The following CEP162 variants were observed in gnomAD, a reference collection of about 807,000 sequenced individuals.
CEP162 encodes centrosomal protein of 162 kDa.
Under a neutral mutation model 169.2 loss-of-function variants are expected in CEP162, and 141 were observed. The ratio of observed to expected loss-of-function variants is 0.83; its 90% confidence interval spans 0.73 to 0.96. The LOEUF (loss-of-function observed/expected upper bound fraction) is 0.96. Among genes scored for constraint, CEP162 ranks in the 40% least tolerant of loss-of-function variants. The pLI is 0.00. For synonymous variants in CEP162, 540 were observed against 526.4 expected (o/e 1.03, Z -0.35); for missense variants, 1,600 against 1,587.2 (o/e 1.01, Z -0.14).
rs1198568202 is a variant in CEP162, at chr6:84,204,126, G to T, written c.572-30C>A. The T allele has an allele frequency of 3.7e-6, 5 of 1,350,338 alleles. No individual in the cohort carries two copies. In the African/African-American group the frequency reaches 4.4e-5, roughly 12 times the overall value. The allele number at this position is 1,350,338 out of a possible 1,614,324, so 83.6% of individuals were successfully genotyped here. A position where few individuals can be genotyped will look rare whatever the true frequency, so the allele number is the denominator to read the frequency against. On this transcript the variant is annotated intron_variant, in intron 6 of 26. Coordinates refer to ENST00000403245, the MANE Select transcript of CEP162 (RefSeq NM_014895.4). ...AGAAAGTAATTTTTAAAAGTACAAA[G>T]ACCACATTGTTAAAAAAGTCAAATT...
chr6:84,190,549 G>C (rs575853770), intron 11 of CEP162, among the ~76,000 whole-genome samples: 380 of 152,110 alleles, frequency 2.5e-3, no homozygotes, highest in Non-Finnish European at 4.1e-3. Flanking sequence ...CCTGAGCCCA[G>C]CGAGACCACG....
intron 13 of CEP162, among the ~76,000 whole-genome samples, chr6:84,181,374 C>T (rs926909914): frequency 2.6e-5 from 4 of 152,098 alleles, no homozygotes; most frequent in South Asian, 2.1e-4. Flanking sequence ...AAGACTTAAA[C>T]GTCAGACGTA....
intron 24 of CEP162, among the ~76,000 whole-genome samples, chr6:84,147,765 T>C (rs1360618916): frequency 1.3e-5 from 2 of 152,208 alleles, no homozygotes; most frequent in Non-Finnish European, 2.9e-5. Context: ...ATGATAGTTT[T>C]TATTTAAGAA....
chr6:84,220,171 G>T (rs1053189300), intron 3 of CEP162, among the ~76,000 whole-genome samples: 1 of 152,046 alleles, frequency 6.6e-6, no homozygotes, highest in East Asian at 1.9e-4. Context: ...TCATGGGGAG[G>T]GGGGGAAACC....
At chr6:84,212,332 T>C (rs1314271924) in intron 6 of CEP162, among the ~76,000 whole-genome samples, 1 of 152,166 alleles carries the variant, frequency 6.6e-6, no homozygotes, top group African/African-American at 2.4e-5. Flanking sequence ...AATTGATTGC[T>C]TTAACAACAA....
At chr6:84,149,751 C>T in intron 23 of CEP162, 48 bp from the exon 24 acceptor site, 1 of 1,418,464 alleles carries the variant, frequency 7.0e-7, no homozygotes, top group Non-Finnish European at 9.3e-7. Context: ...GCTCTTCAAC[C>T]TCTAATTCAG....
At chr6:84,159,548 T>TATATATATATATA (rs1491229310) in intron 21 of CEP162, among the ~76,000 whole-genome samples, 25 of 14,250 alleles carry the variant, frequency 1.8e-3, no homozygotes, top group South Asian at 9.8e-3. Flanking sequence ...TATATATATA[T>TATATATATATATA]TTTTTTTTTT....
intron 13 of CEP162, among the ~76,000 whole-genome samples, chr6:84,177,663 G>A (rs1279975397): frequency 6.6e-6 from 1 of 152,110 alleles, no homozygotes. Flanking sequence ...AGCCTCCCAA[G>A]TAGCTGGGAT....
At chr6:84,167,610 G>A (rs1473877110) in intron 18 of CEP162, among the ~76,000 whole-genome samples, 1 of 152,122 alleles carries the variant, frequency 6.6e-6, no homozygotes, top group Non-Finnish European at 1.5e-5. Context: ...ATACTTCTAA[G>A]AATTGTTTTG....
rs550499240 is a variant in CEP162 at position 84,210,661 on chromosome 6, G to A, written c.571+2296C>T. The stretch of plus-strand genomic sequence containing the variant: ...AAACAAAGCCCCAGAAATCTGCATA[G>A]GGTGCCCTTGAGTCTTTGCTGAATA... On this transcript the variant is annotated intron_variant, in intron 6 of 26. Coordinates refer to ENST00000403245, the MANE Select transcript of CEP162 (RefSeq NM_014895.4). Among the ~76,000 whole-genome samples the A allele has an allele frequency of 1.3e-4, 20 of 152,292 alleles. No homozygotes were observed. In the East Asian group the frequency reaches 3.9e-3, roughly 29 times the overall value.
intron 11 of CEP162, among the ~76,000 whole-genome samples, chr6:84,190,399 G>A (rs1430578581): frequency 2.0e-5 from 3 of 152,150 alleles, no homozygotes; most frequent in Non-Finnish European, 2.9e-5. Context: ...GCCAGCATTG[G>A]CAACCTGCTC....
intron 6 of CEP162, among the ~76,000 whole-genome samples, chr6:84,212,727 T>C (rs2099549989): frequency 6.6e-6 from 1 of 152,210 alleles, no homozygotes; most frequent in Non-Finnish European, 1.5e-5. Flanking sequence ...GACTGTCAGA[T>C]TGAACAAAAA....
intron 25 of CEP162, among the ~76,000 whole-genome samples, chr6:84,140,749 T>C (rs2099516248): frequency 6.6e-6 from 1 of 152,144 alleles, no homozygotes; most frequent in Non-Finnish European, 1.5e-5. Context: ...GGTTTCAAAC[T>C]CCTGGCCTTG....
At chr6:84,222,852 A>T (rs906614625) in intron 2 of CEP162, among the ~76,000 whole-genome samples, 1 of 152,398 alleles carries the variant, frequency 6.6e-6, no homozygotes, top group South Asian at 2.1e-4. Flanking sequence ...TCAATTTAAA[A>T]ATGTTCAAGA....
chr6:84,175,441 C>A, intron 13 of CEP162, 94 bp from the exon 14 acceptor site: 1 of 894,340 alleles, frequency 1.1e-6, no homozygotes, highest in Admixed American at 3.1e-5. Context: ...ACAATGGAAA[C>A]ACAAAAATGA....
chr6:84,201,305 A>C (rs904391815), intron 8 of CEP162, among the ~76,000 whole-genome samples: 12 of 152,168 alleles, frequency 7.9e-5, no homozygotes, highest in African/African-American at 2.9e-4. Context: ...AAACAAACAA[A>C]CAAACAAAAT....
intron 2 of CEP162, among the ~76,000 whole-genome samples, chr6:84,225,867 T>C (rs890052607): frequency 2.6e-5 from 4 of 152,122 alleles, no homozygotes; most frequent in Admixed American, 2.6e-4. Context: ...AGGAGCATTA[T>C]TGGCAGAGGG....
intron 9 of CEP162, among the ~76,000 whole-genome samples, chr6:84,195,469 C>T (rs564356628): frequency 2.0e-5 from 3 of 152,300 alleles, no homozygotes; most frequent in African/African-American, 7.2e-5. Context: ...CTTTTTCAAC[C>T]ACAATGAATT....
rs139575098 is a variant in CEP162, at chr6:84,143,514, C to T, written c.3870+3173G>A. On this transcript the variant is annotated intron_variant, in intron 25 of 26. Transcript: ENST00000403245. ...GTTATGAGGAATGAAGATGTGTTTT[C>T]GTTAAGGGAAAAAATAATTAAATCT... Among the ~76,000 whole-genome samples, 260 of 151,640 alleles carry T rather than the reference C, an allele frequency of 1.7e-3. 1 individual carries two copies. Among genetic ancestry groups the T allele is most frequent in the Middle Eastern group, 3.5e-3 (1 of 288 alleles).
Sources: gnomAD v4.1 joint callset for allele counts (sites outside exome capture counted in the v4.1 genomes callset) on GRCh38, gnomAD v4.1.1 for gene constraint, MANE v1.5 for transcripts, NCBI Gene and HGNC (gene_info 2026-07-23, HGNC 2026-07-21) for gene names.